Variants in PTPRJ observed in about 807,000 individuals in gnomAD.
PTPRJ encodes protein tyrosine phosphatase receptor type J, also known as receptor-type tyrosine-protein phosphatase eta.
In PTPRJ, 129 loss-of-function variants were observed where a neutral mutation model predicts 141.3. The observed-to-expected ratio is 0.91, with a 90% CI of 0.79 to 1.06. The LOEUF (loss-of-function observed/expected upper bound fraction) is 1.06, where lower values mean the gene tolerates loss of function less well. Among genes scored for constraint, PTPRJ ranks in the 50% least tolerant of loss-of-function variants. The pLI is 0.00. For synonymous variants in PTPRJ, 610 were observed against 640.5 expected (o/e 0.95, Z 0.72); for missense variants, 1,601 against 1,679.7 (o/e 0.95, Z 0.82).
chr11:48,130,401 C>A, intron 7 of PTPRJ, 58 bp from the exon 8 acceptor site: 1 of 1,502,172 alleles, frequency 6.7e-7, no homozygotes, highest in Non-Finnish European at 9.1e-7. Flanking sequence ...TGAGGTGGGG[C>A]ATCCCTGTCT....
intron 1 of PTPRJ, among the ~76,000 whole-genome samples, chr11:48,084,338 C>A (rs1379084597): frequency 1.3e-5 from 2 of 152,092 alleles, no homozygotes; most frequent in Non-Finnish European, 2.9e-5. Context: ...ACCACGCCCA[C>A]ACACCCTACT....
At chr11:48,035,433 T>C (rs1854095562) in intron 1 of PTPRJ, among the ~76,000 whole-genome samples, 1 of 151,888 alleles carries the variant, frequency 6.6e-6, no homozygotes, top group Non-Finnish European at 1.5e-5. Context: ...CTGTTTGTAG[T>C]GAAGAGCCTG....
chr11:47,996,041 A>G (rs1042375318), intron 1 of PTPRJ, among the ~76,000 whole-genome samples: 1 of 146,942 alleles, frequency 6.8e-6, no homozygotes, highest in African/African-American at 2.5e-5. Context: ...TCCATCTCCA[A>G]AAAAAAAAAA....
At chr11:48,035,744 G>A (rs1565268920) in intron 1 of PTPRJ, among the ~76,000 whole-genome samples, 2 of 151,878 alleles carry the variant, frequency 1.3e-5, no homozygotes, top group African/African-American at 4.8e-5. Flanking sequence ...TTCTCATCAG[G>A]CTGAAAAACT....
At chr11:48,024,923 A>C (rs995234886) in intron 1 of PTPRJ, among the ~76,000 whole-genome samples, 2 of 152,230 alleles carry the variant, frequency 1.3e-5, no homozygotes, top group African/African-American at 4.8e-5. Context: ...GCGTTTACAG[A>C]GCTCTCGGGT....
Position 48,057,511 on chromosome 11 carries a change from G to A in PTPRJ, c.97-52547G>A, listed in dbSNP as rs1305909788. On this transcript the variant is annotated intron_variant, in intron 1 of 24. Transcript: ENST00000418331. ...AGCTGAGATTAGGTGGATGTACCAG[G>A]CCAGTCACGGGCAGCCTTGGGTACC... 2.6e-5 allele frequency among the ~76,000 whole-genome samples: 4 copies of A among 152,224 alleles called. No individual in the cohort carries two copies. The East Asian group carries it at 5.8e-4, about 22-fold the overall frequency.
intron 1 of PTPRJ, among the ~76,000 whole-genome samples, chr11:48,109,269 C>T (rs938643403): frequency 2.3e-5 from 3 of 131,940 alleles, no homozygotes; most frequent in Admixed American, 8.4e-5. Context: ...TTTTATTCTT[C>T]GTGACGATCC....
intron 1 of PTPRJ, among the ~76,000 whole-genome samples, chr11:48,078,946 A>G (rs534805927): frequency 1.3e-5 from 2 of 152,030 alleles, no homozygotes; most frequent in African/African-American, 2.4e-5. Flanking sequence ...CTTATGTACT[A>G]TCTGGCTCTT....
At chr11:48,010,755 C>T (rs1449452978) in intron 1 of PTPRJ, among the ~76,000 whole-genome samples, 2 of 151,972 alleles carry the variant, frequency 1.3e-5, no homozygotes, top group Non-Finnish European at 2.9e-5. Context: ...AGGCTGGTCT[C>T]GAACTCCTGA....
chr11:48,163,566 C>T lies in PTPRJ; in HGVS notation c.3667C>T (p.Arg1223Cys), dbSNP rs746784211. 1.1e-5 allele frequency: 18 copies of T among 1,613,866 alleles called. No individual in the cohort carries two copies. The highest frequency in any genetic ancestry group is 3.3e-5 in the Admixed American group (2 of 60,002). The stretch of plus-strand genomic sequence containing the variant: ...GCTCATCAACTTCCGGTACCTCGTT[C>T]GTGACTACATGAAGCAGAGTCCTCC... ...DLLINFRYLV[R>C]DYMKQSPPES... The change falls in exon 23 of 25, where the codon CGT becomes TGT. Residue 1223 changes from arginine (R) to cysteine (C), a missense_variant. By Grantham distance (180) the Arg-to-Cys change is radical. Coordinates refer to ENST00000418331, the MANE Select transcript of PTPRJ (RefSeq NM_002843.4).
rs1023486868 is a variant in PTPRJ at position 48,168,793 on chromosome 11, C to T, written c.*1431C>T. Reference sequence around the variant, plus strand: ...TTTATGTGGATTTATTTTATTGGTACATAATCTGTAAACTTCTTAAGGCAT... The same window carrying T: ...TTTATGTGGATTTATTTTATTGGTATATAATCTGTAAACTTCTTAAGGCAT... On this transcript the variant is annotated 3_prime_UTR_variant, in exon 25 of 25. Transcript: ENST00000418331. 6.7e-6 allele frequency: 1 copy of T among 148,620 alleles called. No individual in the cohort carries two copies. The highest frequency in any genetic ancestry group is 1.5e-5 in the Non-Finnish European group (1 of 67,480). 9.2% of individuals were successfully genotyped at this position (148,620 alleles called of 1,614,324 possible).
chr11:48,122,689 G>A (rs960341149), intron 4 of PTPRJ, among the ~76,000 whole-genome samples: 4 of 152,194 alleles, frequency 2.6e-5, no homozygotes, highest in Admixed American at 6.5e-5. Flanking sequence ...TATTGGTTCT[G>A]CATTACTTAA....
At chr11:48,146,186 C>T (rs7947811) in intron 14 of PTPRJ, among the ~76,000 whole-genome samples, 114,856 of 152,108 alleles carry the variant, frequency 0.76, 44,333 homozygotes, top group East Asian at 0.83. Flanking sequence ...AAGTAACTTG[C>T]CCAGGGTTAC....
At chr11:48,013,478 G>C (rs1182640047) in intron 1 of PTPRJ, among the ~76,000 whole-genome samples, 1 of 152,162 alleles carries the variant, frequency 6.6e-6, no homozygotes, top group African/African-American at 2.4e-5. Flanking sequence ...CTGGCCTCCC[G>C]GAAGTGCTCA....
rs529521533 is a variant in PTPRJ at position 47,981,020 on chromosome 11, G to C, written c.96+12G>C. 2.5e-5 allele frequency: 30 copies of C among 1,210,666 alleles called. No homozygotes were observed. In the African/African-American group the frequency reaches 4.4e-4, roughly 18 times the overall value. 75.0% of individuals were successfully genotyped at this position (1,210,666 alleles called of 1,614,324 possible). On this transcript the variant is annotated intron_variant, in intron 1 of 24. Transcript: ENST00000418331. Reference sequence around the variant, plus strand: ...TGCGCCTGGGCCAGGTAAGCGCCGGGTGGGCTCGGGCGGGGGGCAGGAGGC... The same window carrying C: ...TGCGCCTGGGCCAGGTAAGCGCCGGCTGGGCTCGGGCGGGGGGCAGGAGGC...
chr11:48,003,427 G>A (rs1375637607), intron 1 of PTPRJ, among the ~76,000 whole-genome samples: 1 of 151,976 alleles, frequency 6.6e-6, no homozygotes, highest in Non-Finnish European at 1.5e-5. Context: ...GAACATATGA[G>A]ATTGCCTGTT....
At chr11:48,095,603 G>T (rs1260412605) in intron 1 of PTPRJ, among the ~76,000 whole-genome samples, 1 of 147,928 alleles carries the variant, frequency 6.8e-6, no homozygotes, top group Non-Finnish European at 1.5e-5. Context: ...TTTTGAGATG[G>T]AGTTTTTGCT....
At chr11:48,052,661 G>T (rs926668403) in intron 1 of PTPRJ, among the ~76,000 whole-genome samples, 11 of 152,176 alleles carry the variant, frequency 7.2e-5, no homozygotes, top group Non-Finnish European at 1.3e-4. Context: ...GATCTCAAAG[G>T]ATGGGACAGA....
At chr11:48,091,984 C>T (rs1436286350) in intron 1 of PTPRJ, among the ~76,000 whole-genome samples, 1 of 152,028 alleles carries the variant, frequency 6.6e-6, no homozygotes, top group Non-Finnish European at 1.5e-5. Flanking sequence ...TCTGGAGTCC[C>T]CTGGGTGCTG....
Sources: gnomAD v4.1 joint callset for allele counts (sites outside exome capture counted in the v4.1 genomes callset) on GRCh38, gnomAD v4.1.1 for gene constraint, MANE v1.5 for transcripts, NCBI Gene and HGNC (gene_info 2026-07-23, HGNC 2026-07-21) for gene names.